MYO7B: variants seen among roughly 807,000 people sequenced by gnomAD.
MYO7B encodes myosin VIIB.
A neutral mutation model predicts 259.7 loss-of-function variants in MYO7B; 212 were observed. The observed-to-expected ratio is 0.82, with a 90% CI of 0.73 to 0.91. The LOEUF is 0.91. Ranked by LOEUF, MYO7B falls within the 40% of genes least tolerant of loss-of-function variation. The pLI, the probability that MYO7B is intolerant of heterozygous loss-of-function variation, is 0.00. For synonymous variants in MYO7B, 1,197 were observed against 1,166.4 expected, an observed-to-expected ratio of 1.03 and a Z score of -0.54; for missense variants, 2,732 against 2,813.5, an observed-to-expected ratio of 0.97 and a Z score of 0.66.
Position 127,584,024 on chromosome 2 carries a change from C to A in MYO7B, c.1344-98C>A. The A allele has an allele frequency of 9.3e-7, 1 of 1,073,616 alleles. No individual in the cohort carries two copies. Among genetic ancestry groups the A allele is most frequent in the East Asian group, 2.6e-5 (1 of 38,734 alleles). The allele number at this position is 1,073,616 out of a possible 1,614,324, so 66.5% of individuals were successfully genotyped here. ...CATCTGTGGGCATATCTGTATGCAG[C>A]TGTTTGCAGATGGCTGGTGATCCTA... On this transcript the variant is annotated intron_variant, in intron 12 of 47. Transcript: ENST00000409816. This position sits in a 1 kb window ranked among gnomAD's most constrained non-coding sequence, Gnocchi z 5.8.
chr2:127,637,402 C>T lies in MYO7B; in HGVS notation c.6414C>T (p.Ala2138=). 1 of 1,555,322 alleles carries T rather than the reference C, an allele frequency of 6.4e-7. No homozygotes were observed. The highest frequency in any genetic ancestry group is 2.3e-5 in the East Asian group (1 of 43,690). The change falls in exon 48 of 48, where the codon GCC becomes GCT. Residue 2138 remains alanine, a synonymous_variant. Coordinates refer to ENST00000409816, the MANE Select transcript of MYO7B (RefSeq NM_001393586.1). ...AGCAGCGGGGCTCCAAGGCCCCAGC[C>T]CTGGCCAGCACCTAGCAGCGGATGC... ...MNKQRGSKAP[A]LAST
rs144259581 is a variant in MYO7B at position 127,612,495 on chromosome 2, T to C, written c.3290T>C (p.Ile1097Thr). ...ITGQVASQLN[I>T]GEEALEPDGL... ...TTCAAGGTGGCCAGCCAGCTGAACA[T>C]TGGAGAGGAGGCATTGGAGCCTGAT... Residue 1097 changes from isoleucine (I) to threonine (T), a missense_variant, in exon 26 of 48, where the codon ATT becomes ACT. Physicochemically the swap from Ile to Thr is moderately conservative, Grantham distance 89. Transcript: ENST00000409816. 1.4e-4 allele frequency: 220 copies of C among 1,557,016 alleles called. 1 individual carries two copies. In the African/African-American group the frequency reaches 1.8e-3, roughly 13 times the overall value.
chr2:127,576,221 G>T lies in MYO7B; in HGVS notation c.736-374G>T, dbSNP rs567167708. Among the ~76,000 whole-genome samples, 5 of 152,108 alleles carry T rather than the reference G, an allele frequency of 3.3e-5. No individual in the cohort carries two copies. The South Asian group carries it at 8.3e-4, about 25-fold the overall frequency. ...CTCGGAAAAAAAAAAAATACTGAAG[G>T]CCTAGGGAGCCCCGTGGCTGTCAGA... On this transcript the variant is annotated intron_variant, in intron 7 of 47. Coordinates refer to ENST00000409816, the MANE Select transcript of MYO7B (RefSeq NM_001393586.1). The surrounding 1 kb of genome is among the most constrained non-coding windows in gnomAD (Gnocchi z 4.9).
chr2:127,591,352 G>A (rs1223224257), intron 16 of MYO7B, among the ~76,000 whole-genome samples: 1 of 152,228 alleles, frequency 6.6e-6, no homozygotes, highest in South Asian at 2.1e-4. Flanking sequence ...CTTGGGAGCT[G>A]GGAGTTGCAG....
chr2:127,590,287 C>G lies in MYO7B; in HGVS notation c.1992+58C>G. The G allele has an allele frequency of 6.2e-7, 1 of 1,609,152 alleles. No homozygotes were observed. On this transcript the variant is annotated intron_variant, in intron 16 of 47. Coordinates refer to ENST00000409816, the MANE Select transcript of MYO7B (RefSeq NM_001393586.1). This position sits in a 1 kb window ranked among gnomAD's most constrained non-coding sequence, Gnocchi z 4.6. Reference sequence around the variant, plus strand: ...GGGAGGAGGAGGAGGCTGATGGCCTCTAGGGTTGTGGTCACTCCCTCTGCC... The same window carrying G: ...GGGAGGAGGAGGAGGCTGATGGCCTGTAGGGTTGTGGTCACTCCCTCTGCC...
intron 1 of MYO7B, among the ~76,000 whole-genome samples, chr2:127,544,612 G>A (rs1404617414): frequency 2.3e-5 from 3 of 128,806 alleles, no homozygotes; most frequent in Non-Finnish European, 3.1e-5. Context: ...GTGGAGTCTC[G>A]CTCTTTCGCC....
chr2:127,583,831 A>G (rs1679197931), intron 12 of MYO7B, among the ~76,000 whole-genome samples: 1 of 152,064 alleles, frequency 6.6e-6, no homozygotes, highest in African/African-American at 2.4e-5. Flanking sequence ...CTGGTAGAGG[A>G]CCCGGCAGGG....
In MYO7B at chr2:127,539,168, A is replaced by G. The variant is rs1692908663; in HGVS notation, c.-24+3337A>G. On this transcript the variant is annotated intron_variant, in intron 1 of 47. Coordinates refer to ENST00000409816, the MANE Select transcript of MYO7B (RefSeq NM_001393586.1). The surrounding 1 kb of genome is among the most constrained non-coding windows in gnomAD (Gnocchi z 4.0). ...CATCCCTTGCCTGCCTTATTCAAAT[A>G]CTAAACAAAACAGAGTGATATGAGG... 6.6e-6 allele frequency among the ~76,000 whole-genome samples: 1 copy of G among 152,204 alleles called. No homozygotes were observed. Among genetic ancestry groups the G allele is most frequent in the South Asian group, 2.1e-4 (1 of 4,832 alleles).
At chr2:127,573,485 T>C (rs1255941522) in intron 6 of MYO7B, among the ~76,000 whole-genome samples, 1 of 152,210 alleles carries the variant, frequency 6.6e-6, no homozygotes, top group Non-Finnish European at 1.5e-5. Context: ...CGTATCAGCC[T>C]CAGCCCTGCA....
At chr2:127,579,181 G>T (rs902083523) in intron 9 of MYO7B, among the ~76,000 whole-genome samples, 2 of 152,170 alleles carry the variant, frequency 1.3e-5, no homozygotes, top group Admixed American at 1.3e-4. Context: ...CACCGTGGCA[G>T]AGGGAGCACA....
intron 1 of MYO7B, among the ~76,000 whole-genome samples, chr2:127,557,218 T>A (rs1361511833): frequency 2.0e-5 from 3 of 152,128 alleles, no homozygotes; most frequent in South Asian, 4.1e-4. Flanking sequence ...ATTTTGCATT[T>A]CTCTAAGTGT....
rs1680782042 is a variant in MYO7B, at chr2:127,620,314, C to T, written c.3399-26C>T. ...CTCTCCTCCTCCAGCCCCCAGCCTA[C>T]TCTCCTAATGGTCTGTGTCTTTCAG... is the stretch of plus-strand genomic sequence containing the variant. On this transcript the variant is annotated intron_variant, in intron 26 of 47. Coordinates refer to ENST00000409816, the MANE Select transcript of MYO7B (RefSeq NM_001393586.1). 3.1e-6 allele frequency: 5 copies of T among 1,591,504 alleles called. No homozygotes were observed. The South Asian group carries it at 3.4e-5, about 11-fold the overall frequency.
At chr2:127,634,994 G>T in intron 42 of MYO7B, 126 bp from the exon 43 acceptor site, 1 of 755,550 alleles carries the variant, frequency 1.3e-6, no homozygotes, top group South Asian at 1.6e-5. Context: ...TGTGGGGACT[G>T]GGGAGGAAGA....
intron 1 of MYO7B, among the ~76,000 whole-genome samples, chr2:127,553,466 G>A (rs573035418): frequency 6.6e-6 from 1 of 152,260 alleles, no homozygotes; most frequent in African/African-American, 2.4e-5. Context: ...CTTGTAGAGG[G>A]CTTTCACTTC....
intron 18 of MYO7B, among the ~76,000 whole-genome samples, 183 bp downstream of exon 18, chr2:127,593,827 G>T (rs1679663914): frequency 6.6e-6 from 1 of 152,262 alleles, no homozygotes; most frequent in Admixed American, 6.5e-5. Context: ...AGGGGACAAT[G>T]AGGTGGTGGT....
rs370843350 is a variant in MYO7B at position 127,622,035 on chromosome 2, C to T, written c.3579C>T (p.Ala1193=). 1.3e-4 allele frequency: 199 copies of T among 1,551,770 alleles called. No homozygotes were observed. In the African/African-American group the frequency reaches 2.5e-3, roughly 20 times the overall value. The stretch of plus-strand genomic sequence containing the variant: ...CGGCGACCTACGGCCCCTTCTGTGC[C>T]GAGCGCCTGAGACGCACCTATGCCA... ...QGPATYGPFC[A]ERLRRTYANG... The change falls in exon 28 of 48, where the codon GCC becomes GCT. Residue 1193 remains alanine (A), a synonymous_variant. Coordinates refer to ENST00000409816, the MANE Select transcript of MYO7B (RefSeq NM_001393586.1).
chr2:127,612,241 C>T lies in MYO7B; in HGVS notation c.3193-9C>T, dbSNP rs1277503372. ...CTCACCTTCCTGCGGGAACTGTCTC[C>T]CTCCACAGAGATCTGGCTGCAAGGA... On this transcript the variant is annotated splice_polypyrimidine_tract_variant and intron_variant, in intron 24 of 47. Transcript: ENST00000409816. 7 of 631,662 alleles carry T rather than the reference C, an allele frequency of 1.1e-5. No individual in the cohort carries two copies. The highest frequency in any genetic ancestry group is 2.1e-5 in the Admixed American group (1 of 47,032). 39.1% of individuals were successfully genotyped at this position (631,662 alleles called of 1,614,324 possible).
intron 6 of MYO7B, among the ~76,000 whole-genome samples, chr2:127,572,062 C>A (rs1161732572): frequency 6.6e-6 from 1 of 152,106 alleles, no homozygotes; most frequent in African/African-American, 2.4e-5. Context: ...GGTTGATGAT[C>A]CAGTTTATGA....
Position 127,584,474 on chromosome 2 carries a change from C to A in MYO7B, c.1554+142C>A, listed in dbSNP as rs1679226429. The A allele has an allele frequency of 5.3e-6, 5 of 948,962 alleles. No homozygotes were observed. Among genetic ancestry groups the A allele is most frequent in the Non-Finnish European group, 7.8e-6 (5 of 644,096 alleles). The allele number at this position is 948,962 out of a possible 1,614,324, so 58.8% of individuals were successfully genotyped here. On this transcript the variant is annotated intron_variant, in intron 13 of 47. Transcript: ENST00000409816. This position sits in a 1 kb window ranked among gnomAD's most constrained non-coding sequence, Gnocchi z 5.8. ...CAGGAATAAGCAGAAGAGCCTCAGT[C>A]TAACCAGACAGACCCTCCTCTCCAA...
Sources: gnomAD v4.1 joint callset for allele counts (sites outside exome capture counted in the v4.1 genomes callset) on GRCh38, gnomAD v4.1.1 for gene constraint, Gnocchi (gnomAD v3.1) non-coding constraint, MANE v1.5 for transcripts, NCBI Gene and HGNC (gene_info 2026-07-23, HGNC 2026-07-21) for gene names.